The following ASAP1 variants were observed in gnomAD, a reference collection of about 807,000 sequenced individuals.
ASAP1 encodes arf-GAP with SH3 domain, ANK repeat and PH domain-containing protein 1.
ASAP1 carries 43 observed loss-of-function variants against 145.2 expected under a neutral mutation model. The ratio of observed to expected loss-of-function variants is 0.30; its 90% confidence interval spans 0.23 to 0.38. The LOEUF is 0.38. Among genes scored for constraint, ASAP1 ranks in the 10% least tolerant of loss-of-function variants. The pLI is 1.00. For synonymous variants in ASAP1, 546 were observed against 515.5 expected (o/e 1.06, Z -0.80); for missense variants, 1,018 against 1,355.3 (o/e 0.75, Z 3.91).
rs1826454931 is a variant in ASAP1, at chr8:130,358,107, G to A, written c.96C>T (p.Ala32=). Residue 32 remains alanine, a synonymous_variant, in exon 3 of 30, where the codon GCC becomes GCT. Transcript: ENST00000518721. This position sits in a 1 kb window ranked among gnomAD's most constrained non-coding sequence, Gnocchi z 4.1. ...PDQISVSEFI[A]ETTEDYNSPT... ...GCGAGTTGTAGTCCTCGGTGGTCTCGGCGATGAACTCCGAGACAGAGATCT... is the reference window on the plus strand; with the variant it reads ...GCGAGTTGTAGTCCTCGGTGGTCTCAGCGATGAACTCCGAGACAGAGATCT... The A allele has an allele frequency of 6.2e-7, 1 of 1,609,204 alleles. No homozygotes were observed. Among genetic ancestry groups the A allele is most frequent in the East Asian group, 2.2e-5 (1 of 44,696 alleles).
chr8:130,147,626 T>C (rs1172637476), intron 13 of ASAP1, among the ~76,000 whole-genome samples: 2 of 152,252 alleles, frequency 1.3e-5, no homozygotes, highest in Non-Finnish European at 2.9e-5. Context: ...ACAGGTACTG[T>C]TATTCTGTTT....
At chr8:130,087,814 C>T (rs2097497027) in intron 25 of ASAP1, among the ~76,000 whole-genome samples, 2 of 152,172 alleles carry the variant, frequency 1.3e-5, no homozygotes, top group South Asian at 4.1e-4. Flanking sequence ...CTATTACCCC[C>T]AAATCTCCCC....
intron 9 of ASAP1, 113 bp downstream of exon 9, chr8:130,179,151 A>G (rs1814174758): frequency 1.7e-6 from 1 of 600,336 alleles, no homozygotes. Context: ...AGGTCATTAT[A>G]TCACTTTATT....
chr8:130,056,351 C>T (rs1300892936), intron 29 of ASAP1, among the ~76,000 whole-genome samples: 1 of 152,196 alleles, frequency 6.6e-6, no homozygotes, highest in Non-Finnish European at 1.5e-5. Flanking sequence ...CTGGAGGTAC[C>T]CCTGGGCCTC....
At chr8:130,144,419 A>G (rs2135890596) in intron 13 of ASAP1, among the ~76,000 whole-genome samples, 1 of 152,262 alleles carries the variant, frequency 6.6e-6, no homozygotes, top group East Asian at 1.9e-4. Context: ...GTAACCAAGG[A>G]TCAGGAAGGT....
intron 17 of ASAP1, among the ~76,000 whole-genome samples, chr8:130,125,482 T>C (rs953500674): frequency 6.6e-6 from 1 of 152,196 alleles, no homozygotes; most frequent in East Asian, 1.9e-4. Flanking sequence ...AAAGAAGTTA[T>C]GGGTTCAAGA....
At chr8:130,305,226 T>C (rs901414892) in intron 3 of ASAP1, among the ~76,000 whole-genome samples, 4 of 152,236 alleles carry the variant, frequency 2.6e-5, no homozygotes, top group Admixed American at 2.0e-4. Context: ...TGTTTATTTC[T>C]TGACTGCCTG....
intron 13 of ASAP1, among the ~76,000 whole-genome samples, chr8:130,151,751 G>A (rs1177312029): frequency 6.6e-6 from 1 of 152,244 alleles, no homozygotes. Flanking sequence ...TTCTGTGTGA[G>A]AGGCTGAAGA....
intron 13 of ASAP1, among the ~76,000 whole-genome samples, chr8:130,143,568 G>A (rs1282382941): frequency 6.6e-6 from 1 of 152,034 alleles, no homozygotes; most frequent in Non-Finnish European, 1.5e-5. Flanking sequence ...TTTGATTTTT[G>A]AAAATGTTTC....
At chr8:130,138,730 G>A (rs2097601486) in intron 13 of ASAP1, among the ~76,000 whole-genome samples, 1 of 151,792 alleles carries the variant, frequency 6.6e-6, no homozygotes, top group African/African-American at 2.4e-5. Context: ...CAGCTACTCG[G>A]GAGGCTGAGG....
At chr8:130,391,720 A>G (rs1278285269) in intron 2 of ASAP1, among the ~76,000 whole-genome samples, 1 of 152,358 alleles carries the variant, frequency 6.6e-6, no homozygotes, top group East Asian at 1.9e-4. Context: ...GGCAATAGAT[A>G]TCTAACAGGT....
In ASAP1 at chr8:130,127,943, G is replaced by A. The variant is rs376825464; in HGVS notation, c.1365C>T (p.Cys455=). ...VQRLPGNDIC[C]DCGSSEPTWL... ...GACAAAAACCTGATGAGCCACAATC[G>A]CAGCAAATGTCATTCCCTGGGAGCC... is the stretch of plus-strand genomic sequence containing the variant. Residue 455 remains cysteine, a synonymous_variant, in exon 16 of 30, where the codon TGC becomes TGT. Transcript: ENST00000518721. 124 of 1,612,508 alleles carry A rather than the reference G, an allele frequency of 7.7e-5. 1 individual carries two copies. In the Middle Eastern group the frequency reaches 4.1e-3, roughly 54 times the overall value.
chr8:130,362,118 C>T (rs1826744559), intron 2 of ASAP1, among the ~76,000 whole-genome samples: 1 of 152,176 alleles, frequency 6.6e-6, no homozygotes, highest in Non-Finnish European at 1.5e-5. Context: ...TAACGACCCA[C>T]TTGCCATCAG....
chr8:130,258,616 T>C (rs1308271409), intron 3 of ASAP1, among the ~76,000 whole-genome samples: 1 of 152,300 alleles, frequency 6.6e-6, no homozygotes, highest in East Asian at 1.9e-4. Flanking sequence ...TCCTACTCCC[T>C]TTGGGATTGA....
At chr8:130,205,581 A>G (rs1296281689) in intron 5 of ASAP1, among the ~76,000 whole-genome samples, 1 of 143,008 alleles carries the variant, frequency 7.0e-6, no homozygotes, top group South Asian at 2.3e-4. Flanking sequence ...TATATATATA[A>G]AATACACGGC....
chr8:130,082,603 A>T (rs1021391779), intron 25 of ASAP1: 3 of 151,522 alleles, frequency 2.0e-5, no homozygotes, highest in African/African-American at 7.3e-5. Flanking sequence ...TCCTGGGCTC[A>T]AATGATCCTC....
At chr8:130,403,301 T>TTAAAAA (rs60441663) in intron 1 of ASAP1, among the ~76,000 whole-genome samples, 385 of 151,092 alleles carry the variant, frequency 2.5e-3, no homozygotes, top group Non-Finnish European at 3.9e-3. Context: ...TGTTTTTTTT[T>TTAAAAA]AAAAAACCCA....
intron 3 of ASAP1, among the ~76,000 whole-genome samples, chr8:130,300,643 C>T (rs566419583): frequency 6.6e-6 from 1 of 152,290 alleles, no homozygotes; most frequent in South Asian, 2.1e-4. Flanking sequence ...GCTAATAGTT[C>T]TCAACAGATA....
At chr8:130,124,238 T>G (rs1318372761) in intron 17 of ASAP1, 134 bp from the exon 18 acceptor site, 1 of 669,410 alleles carries the variant, frequency 1.5e-6, no homozygotes. Context: ...CCACCGTCCA[T>G]CTGGTCTACA....
Sources: allele counts gnomAD v4.1 joint callset (sites outside exome capture counted in the v4.1 genomes callset), GRCh38; gene constraint gnomAD v4.1.1; non-coding constraint Gnocchi (gnomAD v3.1); transcripts MANE v1.5; gene names NCBI Gene and HGNC (gene_info 2026-07-23, HGNC 2026-07-21).